Variants in LRMDA observed in about 807,000 individuals in gnomAD.
The protein encoded by LRMDA is leucine-rich melanocyte differentiation-associated protein.
In LRMDA, 18 loss-of-function variants were observed where a neutral mutation model predicts 29.8. The observed-to-expected ratio is 0.60, with a 90% confidence interval of 0.42 to 0.90. LRMDA has a LOEUF of 0.90. Among genes scored for constraint, LRMDA ranks in the 40% least tolerant of loss-of-function variants. The pLI is 0.00. For missense variants in LRMDA, 273 were observed against 273.9 expected (o/e 1.00, Z 0.02); for synonymous variants, 125 against 109.4 (o/e 1.14, Z -0.89).
chr10:76,444,250 A>G (rs566511323), intron 6 of LRMDA, among the ~76,000 whole-genome samples: 2 of 152,336 alleles, frequency 1.3e-5, no homozygotes, highest in East Asian at 3.9e-4. Flanking sequence ...TTCAGAGGAC[A>G]ATGACTTTGA....
chr10:76,030,014 G>T (rs920494261), intron 2 of LRMDA, among the ~76,000 whole-genome samples: 1 of 152,122 alleles, frequency 6.6e-6, no homozygotes, highest in Non-Finnish European at 1.5e-5. Flanking sequence ...TCTTGCCTCA[G>T]CCTCCTGAAT....
At chr10:75,541,864 A>AG (rs1368174495) in intron 2 of LRMDA, among the ~76,000 whole-genome samples, 10 of 152,140 alleles carry the variant, frequency 6.6e-5, no homozygotes, top group East Asian at 1.9e-4. Context: ...TGATACTCTG[A>AG]GGGGGACATG....
intron 2 of LRMDA, among the ~76,000 whole-genome samples, chr10:75,565,968 G>A (rs1840367384): frequency 6.6e-6 from 1 of 152,174 alleles, no homozygotes; most frequent in Admixed American, 6.5e-5. Context: ...CCGGCTTCTT[G>A]GGAGGCTGAG....
At chr10:76,121,590 A>G (rs1461979353) in intron 5 of LRMDA, among the ~76,000 whole-genome samples, 1 of 152,118 alleles carries the variant, frequency 6.6e-6, no homozygotes, top group Non-Finnish European at 1.5e-5. Flanking sequence ...ATGAGAGGAA[A>G]CTTCTCCCCT....
chr10:76,534,651 T>C (rs1843272217), intron 6 of LRMDA, among the ~76,000 whole-genome samples: 1 of 152,208 alleles, frequency 6.6e-6, no homozygotes, highest in African/African-American at 2.4e-5. Context: ...GATGGCTCAT[T>C]ATAAAAATTA....
intron 2 of LRMDA, among the ~76,000 whole-genome samples, chr10:75,629,167 C>A (rs1198677283): frequency 6.6e-6 from 1 of 152,174 alleles, no homozygotes; most frequent in Non-Finnish European, 1.5e-5. Flanking sequence ...GGGGCAGAGA[C>A]CTCCTCTCAT....
intron 5 of LRMDA, among the ~76,000 whole-genome samples, chr10:76,175,772 G>A (rs867318442): frequency 6.6e-6 from 1 of 152,172 alleles, no homozygotes; most frequent in Non-Finnish European, 1.5e-5. Context: ...AATCTATCTC[G>A]GAGACAGGAA....
chr10:76,348,355 C>CA (rs1841134192), intron 6 of LRMDA, among the ~76,000 whole-genome samples: 1 of 152,142 alleles, frequency 6.6e-6, no homozygotes, highest in African/African-American at 2.4e-5. Flanking sequence ...AGGAAGCTGC[C>CA]ATTATTAGAA....
chr10:76,512,225 G>A (rs1054529450), intron 6 of LRMDA, among the ~76,000 whole-genome samples: 4 of 152,188 alleles, frequency 2.6e-5, no homozygotes, highest in East Asian at 3.9e-4. Flanking sequence ...CCCCAGCCAT[G>A]TGCAACTGTA....
At chr10:76,410,509 A>G (rs1841948908) in intron 6 of LRMDA, among the ~76,000 whole-genome samples, 1 of 151,672 alleles carries the variant, frequency 6.6e-6, no homozygotes, top group African/African-American at 2.4e-5. Flanking sequence ...GAGTTTTGCC[A>G]TGTTGCCCAG....
intron 6 of LRMDA, among the ~76,000 whole-genome samples, chr10:76,463,916 A>ATTTTTTTTTT (rs1842537059): frequency 4.0e-5 from 2 of 49,884 alleles, no homozygotes; most frequent in Non-Finnish European, 1.1e-4. Context: ...GTGCAAAATA[A>ATTTTTTTTTT]ATTTTTTTTT....
At chr10:76,472,857 T>C (rs151299178) in intron 6 of LRMDA, among the ~76,000 whole-genome samples, 81 of 151,632 alleles carry the variant, frequency 5.3e-4, no homozygotes, top group African/African-American at 1.8e-3. Context: ...AGTTAATTGA[T>C]TGAGTTTGTA....
At chr10:76,400,443 G>A (rs574139237) in intron 6 of LRMDA, among the ~76,000 whole-genome samples, 1 of 152,170 alleles carries the variant, frequency 6.6e-6, no homozygotes, top group African/African-American at 2.4e-5. Context: ...GTGGTAATTT[G>A]TTACCTAATA....
At chr10:75,495,384 GC>G (rs2132064374) in intron 2 of LRMDA, among the ~76,000 whole-genome samples, 1 of 150,516 alleles carries the variant, frequency 6.6e-6, no homozygotes, top group Non-Finnish European at 1.5e-5. Context: ...GTTTTAACCT[GC>G]TTTTATCGAT....
In LRMDA at chr10:76,477,888, T is replaced by C. The variant is rs1285593573; in HGVS notation, c.602-79321T>C. 3.6e-4 allele frequency among the ~76,000 whole-genome samples: 54 copies of C among 152,082 alleles called. 1 individual carries two copies. The highest frequency in any genetic ancestry group is 8.8e-5 in the Non-Finnish European group (6 of 68,014). On this transcript the variant is annotated intron_variant, in intron 6 of 6. Coordinates refer to ENST00000611255, the MANE Select transcript of LRMDA (RefSeq NM_001305581.2). ...AACTGGATCCTTTCCTTACACCTTA[T>C]AGAAAAATTAAATCAAGATGGATTA...
At chr10:76,345,217 C>T (rs1841090597) in intron 6 of LRMDA, among the ~76,000 whole-genome samples, 1 of 149,660 alleles carries the variant, frequency 6.7e-6, no homozygotes, top group African/African-American at 2.4e-5. Context: ...CAGGCGCCCG[C>T]TACCACGCCC....
chr10:75,824,745 A>G (rs1341570081), intron 2 of LRMDA, among the ~76,000 whole-genome samples: 1 of 152,202 alleles, frequency 6.6e-6, no homozygotes, highest in Non-Finnish European at 1.5e-5. Flanking sequence ...CTGGAGAGCC[A>G]GCATATTGGC....
intron 2 of LRMDA, among the ~76,000 whole-genome samples, chr10:75,448,460 G>A (rs1352326241): frequency 6.6e-6 from 1 of 152,178 alleles, no homozygotes. Flanking sequence ...AGGAGCAGTG[G>A]TGATTTGGGG....
At chr10:76,197,641 G>A (rs1028364642) in intron 5 of LRMDA, among the ~76,000 whole-genome samples, 10 of 152,088 alleles carry the variant, frequency 6.6e-5, no homozygotes, top group South Asian at 4.1e-4. Context: ...AGTAGTGGCC[G>A]GGTGCATTGG....
Sources: gnomAD v4.1 joint callset for allele counts (sites outside exome capture counted in the v4.1 genomes callset) on GRCh38, gnomAD v4.1.1 for gene constraint, MANE v1.5 for transcripts, NCBI Gene and HGNC (gene_info 2026-07-23, HGNC 2026-07-21) for gene names.